Variants in DOCK9 observed in about 807,000 individuals in gnomAD.
DOCK9 encodes dedicator of cytokinesis protein 9.
In DOCK9, 89 loss-of-function variants were observed where a neutral mutation model predicts 263.3. The observed-to-expected ratio is 0.34, with a 90% CI of 0.28 to 0.40. The LOEUF (loss-of-function observed/expected upper bound fraction) is 0.40. Ranked by LOEUF, DOCK9 falls within the 10% of genes least tolerant of loss-of-function variation. The pLI is 1.00. For missense variants in DOCK9, 2,140 were observed against 2,603.4 expected, an observed-to-expected ratio of 0.82 and a Z score of 3.87; for synonymous variants, 976 against 973.1, an observed-to-expected ratio of 1.00 and a Z score of -0.06.
intron 15 of DOCK9, among the ~76,000 whole-genome samples, chr13:98,894,316 G>A (rs1245330270): frequency 1.3e-5 from 2 of 152,178 alleles, no homozygotes; most frequent in Non-Finnish European, 2.9e-5. Context: ...ATGACAGAAT[G>A]TTATAAAGTG....
chr13:98,933,462 G>A (rs912629850), intron 2 of DOCK9, among the ~76,000 whole-genome samples: 3 of 151,772 alleles, frequency 2.0e-5, no homozygotes, highest in African/African-American at 7.3e-5. Context: ...AGAAACCTGA[G>A]TTTTAACAGA....
Position 99,005,228 on chromosome 13 carries a change from A to G in DOCK9, c.130-49677T>C, listed in dbSNP as rs151088585. On this transcript the variant is annotated intron_variant, in intron 1 of 32. Transcript: ENST00000427887. ...ATTTACTGAGGAAACAAACCTACAA[A>G]TATAATTAACTGCTCACTTAAACCT... Among the ~76,000 whole-genome samples, 45 of 152,360 alleles carry G rather than the reference A, an allele frequency of 3.0e-4. 1 individual carries two copies. The East Asian group carries it at 7.7e-3, about 26-fold the overall frequency.
rs760040855 is a variant in DOCK9 at position 98,902,303 on chromosome 13, C to T, written c.1365G>A (p.Met455Ile). The change falls in exon 12 of 53, where the codon ATG (methionine) becomes ATA (isoleucine). Residue 455 changes from methionine (M) to isoleucine (I), a missense_variant. Met to Ile is a conservative substitution (Grantham distance 10). Transcript: ENST00000682017. The stretch of plus-strand genomic sequence containing the variant: ...TACTCCCCACCTGCTTCGGATACTG[C>T]ATGGCGGCTTCATGAAGGATGCCCT... The part of the protein sequence containing the change: ...VLKGILHEAA[M>I]QYPKQGIFSV... The T allele has an allele frequency of 9.3e-6, 15 of 1,613,862 alleles. No individual in the cohort carries two copies. In the South Asian group the frequency reaches 1.6e-4, roughly 18 times the overall value.
chr13:98,844,993 G>C (rs2093345800), intron 38 of DOCK9, among the ~76,000 whole-genome samples: 1 of 152,176 alleles, frequency 6.6e-6, no homozygotes, highest in South Asian at 2.1e-4. Flanking sequence ...TTGGAGAAGA[G>C]ATGGAACAAT....
intron 44 of DOCK9, 46 bp from the exon 45 acceptor site, chr13:98,824,550 G>A (rs371691196): frequency 9.6e-6 from 15 of 1,557,270 alleles, no homozygotes; most frequent in Middle Eastern, 1.7e-4. Context: ...GAACCTGAAC[G>A]TGGGTGAACC....
intron 1 of DOCK9, among the ~76,000 whole-genome samples, chr13:99,045,805 A>AAAT (rs1888930838): frequency 2.0e-5 from 3 of 151,952 alleles, no homozygotes; most frequent in Non-Finnish European, 4.4e-5. Context: ...AAACAAAAAA[A>AAAT]ACAGCAGCCG....
At chr13:98,819,589 C>T (rs1464446965) in intron 45 of DOCK9, among the ~76,000 whole-genome samples, 2 of 152,190 alleles carry the variant, frequency 1.3e-5, no homozygotes, top group East Asian at 1.9e-4. Context: ...TGCTGGCATC[C>T]GGCAAAGGCA....
At chr13:99,088,271 C>G (rs1449669427), upstream of DOCK9, 1 of 152,186 alleles carries the variant, frequency 6.6e-6, no homozygotes. Flanking sequence ...AGGGAATGGC[C>G]CAGACATTTT....
intron 2 of DOCK9, chr13:98,950,298 T>A (rs1465282865): frequency 1.3e-6 from 1 of 767,162 alleles, no homozygotes; most frequent in African/African-American, 1.8e-5. Flanking sequence ...ATGATTCCAG[T>A]CGCTTAAACC....
At chr13:98,821,108 C>T (rs1422287937) in intron 45 of DOCK9, among the ~76,000 whole-genome samples, 1 of 152,204 alleles carries the variant, frequency 6.6e-6, no homozygotes, top group African/African-American at 2.4e-5. Flanking sequence ...TGAGGATCAC[C>T]TGTACTTTCT....
intron 1 of DOCK9, among the ~76,000 whole-genome samples, chr13:99,077,733 G>A (rs1257707712): frequency 6.6e-6 from 1 of 152,172 alleles, no homozygotes; most frequent in African/African-American, 2.4e-5. Context: ...CCCTGCTCCT[G>A]GAGTTCGGTG....
At chr13:99,065,718 C>T (rs1156421363) in intron 1 of DOCK9, among the ~76,000 whole-genome samples, 1 of 152,182 alleles carries the variant, frequency 6.6e-6, no homozygotes, top group Non-Finnish European at 1.5e-5. Flanking sequence ...CTCTTTAACG[C>T]TTTACTTATA....
intron 1 of DOCK9, among the ~76,000 whole-genome samples, chr13:99,017,163 GTGA>G (rs1290974671): frequency 6.6e-6 from 1 of 152,166 alleles, no homozygotes; most frequent in Non-Finnish European, 1.5e-5. Flanking sequence ...CTTCCAAAGG[GTGA>G]TTCTGTGAAA....
chr13:99,078,160 G>A (rs1303313644), intron 1 of DOCK9, among the ~76,000 whole-genome samples: 1 of 152,102 alleles, frequency 6.6e-6, no homozygotes, highest in African/African-American at 2.4e-5. Context: ...AAGTAGAAGA[G>A]TCAGGCAGGA....
At chr13:99,011,449 C>G (rs1884460548) in intron 1 of DOCK9, among the ~76,000 whole-genome samples, 2 of 152,130 alleles carry the variant, frequency 1.3e-5, no homozygotes, top group Non-Finnish European at 2.9e-5. Flanking sequence ...TGGCTGGGAT[C>G]AGCTACATGA....
At chr13:99,013,671 GAA>G (rs1884915687) in intron 1 of DOCK9, among the ~76,000 whole-genome samples, 1 of 152,152 alleles carries the variant, frequency 6.6e-6, no homozygotes, top group Non-Finnish European at 1.5e-5. Context: ...CTGGGAAGTA[GAA>G]ACAGCAAGGC....
At chr13:98,883,463 T>C (rs958708552) in intron 22 of DOCK9, among the ~76,000 whole-genome samples, 2 of 152,146 alleles carry the variant, frequency 1.3e-5, no homozygotes, top group African/African-American at 4.8e-5. Flanking sequence ...GCCAGGCTGG[T>C]CTCAAACCCC....
upstream of DOCK9, among the ~76,000 whole-genome samples, chr13:98,981,080 A>G (rs1297178673): frequency 2.0e-5 from 3 of 150,280 alleles, no homozygotes; most frequent in Non-Finnish European, 4.4e-5. Flanking sequence ...TTTTCAAGGC[A>G]GGGTTTGGCT....
At chr13:98,896,024 C>G (rs1595080563) in intron 15 of DOCK9, among the ~76,000 whole-genome samples, 1 of 152,290 alleles carries the variant, frequency 6.6e-6, no homozygotes, top group African/African-American at 2.4e-5. Context: ...TCCTCTCCCC[C>G]TTCTCCAATT....
Sources: allele counts gnomAD v4.1 joint callset (sites outside exome capture counted in the v4.1 genomes callset), GRCh38; gene constraint gnomAD v4.1.1; transcripts MANE v1.5; gene names NCBI Gene and HGNC (gene_info 2026-07-23, HGNC 2026-07-21).